Variants in SIRPB2 observed in about 807,000 individuals in gnomAD.
SIRPB2 encodes signal regulatory protein beta 2, also known as signal-regulatory protein beta-2.
Under a neutral mutation model 27.1 loss-of-function variants are expected in SIRPB2, and 18 were observed. That is an observed-to-expected ratio of 0.66 (90% confidence interval 0.46 to 0.98). The LOEUF (loss-of-function observed/expected upper bound fraction) is 0.98, where lower values mean the gene tolerates loss of function less well. Ranked by LOEUF, SIRPB2 falls within the 50% of genes least tolerant of loss-of-function variation. The probability of loss-of-function intolerance (pLI) is 0.00; values close to 1 mark genes in which losing one functional copy is unlikely to be tolerated. For missense variants in SIRPB2, 420 were observed against 417.4 expected, an observed-to-expected ratio of 1.01 and a Z score of -0.06; for synonymous variants, 150 against 164.6, an observed-to-expected ratio of 0.91 and a Z score of 0.68.
In SIRPB2 at chr20:1,491,133, G is replaced by A. The variant is rs981300961; in HGVS notation, c.85+142C>T. On this transcript the variant is annotated intron_variant, in intron 1 of 4. Coordinates refer to ENST00000359801, the MANE Select transcript of SIRPB2 (RefSeq NM_001122962.2). ...TGGGACACTGGGGGTGCCCTCTGCC[G>A]GAGTCAGGCAAATTTTCAGTGGACC... The A allele has an allele frequency of 6.9e-5, 45 of 651,152 alleles. 1 individual carries two copies. In the South Asian group the frequency reaches 7.5e-4, roughly 11 times the overall value. 40.3% of individuals were successfully genotyped at this position (651,152 alleles called of 1,614,324 possible).
rs747184495 is a variant in SIRPB2 at position 1,477,326 on chromosome 20, G to A, written c.859+12C>T. ...GGGGACTCATTGACTCCACTGAGGT[G>A]GGTACGCTCACCTGTTGGAGACATC... On this transcript the variant is annotated intron_variant, in intron 4 of 4. Coordinates refer to ENST00000359801, the MANE Select transcript of SIRPB2 (RefSeq NM_001122962.2). 1 of 1,614,186 alleles carries A rather than the reference G, an allele frequency of 6.2e-7. No homozygotes were observed. The highest frequency in any genetic ancestry group is 1.7e-5 in the Admixed American group (1 of 60,022).
At position 1,479,702 on chromosome 20, in the gene SIRPB2, T is replaced by C. The variant is rs372663984; in HGVS notation, c.449A>G (p.Lys150Arg). ...GGTCTGCAGGGCCTGATCCTTACCC[T>C]TCACAAGCACTGAGGTGCCTTCATC... is the stretch of plus-strand genomic sequence containing the variant. ...KSDEGTSVLVKGAGDPEPDLW... is the reference protein window; with the variant it reads ...KSDEGTSVLVRGAGDPEPDLW... Residue 150 changes from lysine (K) to arginine (R), a missense_variant and splice_region_variant, in exon 2 of 5, where the codon AAG becomes AGG. Lys to Arg is a conservative substitution (Grantham distance 26, BLOSUM62 2). Coordinates refer to ENST00000359801, the MANE Select transcript of SIRPB2 (RefSeq NM_001122962.2). 1 of 1,613,840 alleles carries C rather than the reference T, an allele frequency of 6.2e-7. No homozygotes were observed. The highest frequency in any genetic ancestry group is 8.5e-7 in the Non-Finnish European group (1 of 1,179,762).
chr20:1,485,022 G>A (rs78564553), intron 1 of SIRPB2, among the ~76,000 whole-genome samples: 1,828 of 152,226 alleles, frequency 0.012, 39 homozygotes, highest in African/African-American at 0.042. Flanking sequence ...TCACTCATAC[G>A]TGGAAGCTAA....
Position 1,486,713 on chromosome 20 carries a change from C to G in SIRPB2, c.85+4562G>C, listed in dbSNP as rs543992525. Among the ~76,000 whole-genome samples, 4 of 152,246 alleles carry G rather than the reference C, an allele frequency of 2.6e-5. No homozygotes were observed. In the South Asian group the frequency reaches 8.3e-4, roughly 32 times the overall value. Reference sequence around the variant, plus strand: ...ATTACTAAACTAACACACACACACACGCATATACATGCACTCATATAATCA... The same window carrying G: ...ATTACTAAACTAACACACACACACAGGCATATACATGCACTCATATAATCA... On this transcript the variant is annotated intron_variant, in intron 1 of 4. Transcript: ENST00000359801.
intron 1 of SIRPB2, among the ~76,000 whole-genome samples, chr20:1,488,878 G>A (rs1215155139): frequency 1.3e-5 from 2 of 152,114 alleles, no homozygotes; most frequent in Admixed American, 6.5e-5. Flanking sequence ...ATTTCCCTAA[G>A]AGAAATGAAA....
At chr20:1,480,761 CAGGCCATGCTACTT>C (rs982104007) in intron 1 of SIRPB2, among the ~76,000 whole-genome samples, 1 of 152,152 alleles carries the variant, frequency 6.6e-6, no homozygotes, top group Non-Finnish European at 1.5e-5. Flanking sequence ...TCAAGCCGCC[CAGGCCATGCTACTT>C]TGTTATGGAA....
intron 1 of SIRPB2, among the ~76,000 whole-genome samples, chr20:1,486,865 A>G (rs1433212391): frequency 1.3e-5 from 2 of 152,220 alleles, no homozygotes; most frequent in Non-Finnish European, 2.9e-5. Flanking sequence ...AAACCCTACA[A>G]CAACTCTATC....
At chr20:1,490,873 T>C (rs2051863198) in intron 1 of SIRPB2, among the ~76,000 whole-genome samples, 1 of 152,118 alleles carries the variant, frequency 6.6e-6, no homozygotes, top group African/African-American at 2.4e-5. Context: ...CAGTTTTCAT[T>C]TTGCAGTGGG....
At chr20:1,485,927 G>T (rs2090721539) in intron 1 of SIRPB2, among the ~76,000 whole-genome samples, 1 of 152,012 alleles carries the variant, frequency 6.6e-6, no homozygotes, top group South Asian at 2.1e-4. Flanking sequence ...CACTGCCAAA[G>T]CTTTCTCAAG....
intron 1 of SIRPB2, among the ~76,000 whole-genome samples, chr20:1,480,758 G>T (rs569996898): frequency 3.3e-5 from 5 of 152,104 alleles, no homozygotes; most frequent in East Asian, 1.9e-4. Flanking sequence ...TGTTCAAGCC[G>T]CCCAGGCCAT....
intron 1 of SIRPB2, among the ~76,000 whole-genome samples, chr20:1,487,781 T>C (rs561295886): frequency 2.0e-5 from 3 of 152,340 alleles, no homozygotes; most frequent in African/African-American, 4.8e-5. Flanking sequence ...TACAGGTGCA[T>C]GCCATGGCTC....
intron 1 of SIRPB2, among the ~76,000 whole-genome samples, chr20:1,490,183 A>C (rs998534031): frequency 6.6e-6 from 1 of 152,228 alleles, no homozygotes; most frequent in African/African-American, 2.4e-5. Context: ...GAGACCTAGC[A>C]ATTATGATTC....
chr20:1,476,943 C>T (rs2090611363), intron 4 of SIRPB2: 1 of 1,193,340 alleles, frequency 8.4e-7, no homozygotes, highest in South Asian at 1.6e-5. Flanking sequence ...TTCATAGAGT[C>T]AGATACCAGA....
intron 1 of SIRPB2, among the ~76,000 whole-genome samples, chr20:1,485,419 G>A (rs998952955): frequency 6.6e-6 from 1 of 151,888 alleles, no homozygotes; most frequent in Non-Finnish European, 1.5e-5. Flanking sequence ...TTGAACTGAA[G>A]GAAAATGAAA....
intron 2 of SIRPB2, chr20:1,479,407 A>C (rs750911077): frequency 4.6e-6 from 2 of 433,388 alleles, no homozygotes; most frequent in Non-Finnish European, 8.5e-6. Flanking sequence ...TAGCAGACAT[A>C]ATGTGAGTAG....
intron 4 of SIRPB2, chr20:1,477,048 C>CA: frequency 9.4e-6 from 13 of 1,377,540 alleles, no homozygotes; most frequent in Non-Finnish European, 1.1e-5. Flanking sequence ...CTGTGCATAG[C>CA]CTCACAGTGT....
At chr20:1,479,527 G>A in intron 2 of SIRPB2, 173 bp downstream of exon 2, 1 of 1,004,056 alleles carries the variant, frequency 1.0e-6, no homozygotes, top group Non-Finnish European at 1.5e-6. Flanking sequence ...TCTGGCATGA[G>A]ACATGAGGAG....
At position 1,491,370 on chromosome 20, in the gene SIRPB2, G is replaced by A; in HGVS notation, c.-11C>T. On this transcript the variant is annotated 5_prime_UTR_variant, in exon 1 of 5. Transcript: ENST00000359801. Reference sequence around the variant, plus strand: ...CATCGTGGAGCACATGGCATCTTCTGTGGTCCCCAAGACTTGGGGCTCCTC... The same window carrying A: ...CATCGTGGAGCACATGGCATCTTCTATGGTCCCCAAGACTTGGGGCTCCTC... The A allele has an allele frequency of 6.2e-7, 1 of 1,604,624 alleles. No homozygotes were observed. Among genetic ancestry groups the A allele is most frequent in the Non-Finnish European group, 8.5e-7 (1 of 1,176,426 alleles).
At chr20:1,482,907 A>G (rs2090687117) in intron 1 of SIRPB2, among the ~76,000 whole-genome samples, 1 of 152,108 alleles carries the variant, frequency 6.6e-6, no homozygotes, top group South Asian at 2.1e-4. Flanking sequence ...TATTGCTGCA[A>G]TAAACGTAGA....
Sources: gnomAD v4.1 joint callset for allele counts (sites outside exome capture counted in the v4.1 genomes callset) on GRCh38, gnomAD v4.1.1 for gene constraint, MANE v1.5 for transcripts, NCBI Gene and HGNC (gene_info 2026-07-23, HGNC 2026-07-21) for gene names.